Variants in KPNA3 observed in about 807,000 individuals in gnomAD.
KPNA3 encodes the protein importin subunit alpha-4.
A neutral mutation model predicts 73.8 loss-of-function variants in KPNA3; 13 were observed. The ratio of observed to expected loss-of-function variants is 0.18; its 90% CI spans 0.11 to 0.28. The LOEUF is 0.28. Among genes scored for constraint, KPNA3 ranks in the 10% least tolerant of loss-of-function variants. KPNA3 has a pLI of 1.00. For missense variants in KPNA3, 360 were observed against 618.1 expected (o/e 0.58, Z 4.43); for synonymous variants, 186 against 206.9 (o/e 0.90, Z 0.87).
intron 6 of KPNA3, among the ~76,000 whole-genome samples, chr13:49,726,239 C>T (rs1371639362): frequency 6.6e-6 from 1 of 152,182 alleles, no homozygotes; most frequent in Non-Finnish European, 1.5e-5. Flanking sequence ...TCCATTACAC[C>T]ATCTGCTTTA....
chr13:49,726,791 A>G (rs1413071287), intron 6 of KPNA3, among the ~76,000 whole-genome samples: 1 of 151,768 alleles, frequency 6.6e-6, no homozygotes, highest in Non-Finnish European at 1.5e-5. Flanking sequence ...AAAAATAAAA[A>G]AATCAGCCAG....
chr13:49,749,875 A>T (rs536440195), intron 1 of KPNA3, among the ~76,000 whole-genome samples: 38 of 152,270 alleles, frequency 2.5e-4, no homozygotes, highest in African/African-American at 8.7e-4. Flanking sequence ...TGACTACCAT[A>T]CCTAAGTACC....
chr13:49,747,857 A>G (rs887122579), intron 1 of KPNA3, among the ~76,000 whole-genome samples: 3 of 152,222 alleles, frequency 2.0e-5, no homozygotes, highest in Middle Eastern at 3.4e-3. Context: ...CCCTGCCCTA[A>G]CTGTACCCAG....
At position 49,706,332 on chromosome 13, in the gene KPNA3, TG is replaced by T. The variant is rs768831621; in HGVS notation, c.1072del (p.Gln358SerfsTer7). On this transcript the variant is annotated frameshift_variant, in exon 13 of 17. Coordinates refer to ENST00000261667, the MANE Select transcript of KPNA3 (RefSeq NM_002267.4). LOFTEE classifies it high-confidence loss of function. ...WFLSNITAGN[Q>X]QQVQAVIDAG... ...ATCTATTACAGCTTGAACTTGTTGC[TG>T]GTTGCCTGCTGTTATGTTGGAAAGG... 6.2e-7 allele frequency: 1 copy of T among 1,614,178 alleles called. No individual in the cohort carries two copies. The highest frequency in any genetic ancestry group is 8.5e-7 in the Non-Finnish European group (1 of 1,180,012).
chr13:49,792,247 G>A (rs1431859321), intron 1 of KPNA3, among the ~76,000 whole-genome samples, 191 bp downstream of exon 1: 1 of 151,540 alleles, frequency 6.6e-6, no homozygotes, highest in African/African-American at 2.4e-5. Flanking sequence ...GGCAGCTCCG[G>A]GGGGTGACTG....
intron 2 of KPNA3, among the ~76,000 whole-genome samples, chr13:49,740,094 T>C (rs1244759922): frequency 1.3e-5 from 2 of 151,610 alleles, no homozygotes; most frequent in African/African-American, 4.9e-5. Flanking sequence ...CTACCAAAAA[T>C]ACAAAAAATT....
At chr13:49,735,901 C>T (rs940730208) in intron 2 of KPNA3, among the ~76,000 whole-genome samples, 2 of 152,088 alleles carry the variant, frequency 1.3e-5, no homozygotes, top group African/African-American at 2.4e-5. Context: ...TGTTATTAAA[C>T]TCTATATAAA....
intron 15 of KPNA3, among the ~76,000 whole-genome samples, chr13:49,705,418 A>AACC (rs1391863161): frequency 6.6e-6 from 1 of 152,182 alleles, no homozygotes; most frequent in African/African-American, 2.4e-5. Flanking sequence ...TGACTTTCAC[A>AACC]ACCTGATTTT....
At position 49,732,469 on chromosome 13, in the gene KPNA3, A is replaced by T; in HGVS notation, c.288-3T>A. The T allele has an allele frequency of 6.4e-7, 1 of 1,563,392 alleles. No homozygotes were observed. Among genetic ancestry groups the T allele is most frequent in the Non-Finnish European group, 8.7e-7 (1 of 1,146,994 alleles). On this transcript the variant is annotated splice_region_variant and splice_polypyrimidine_tract_variant and intron_variant, in intron 5 of 16. Transcript: ENST00000261667. ...TTCTGTCACTGGATAACAGTTTTCT[A>T]GGAAAATAAATATGAGAAATTAATT... is the stretch of plus-strand genomic sequence containing the variant.
intron 12 of KPNA3, among the ~76,000 whole-genome samples, chr13:49,708,959 C>G (rs1316986483): frequency 6.6e-6 from 1 of 152,018 alleles, no homozygotes; most frequent in Non-Finnish European, 1.5e-5. Flanking sequence ...AAATACCAGC[C>G]CATTCAAATG....
intron 1 of KPNA3, among the ~76,000 whole-genome samples, chr13:49,768,260 C>CA (rs1309994295): frequency 7.6e-6 from 1 of 131,458 alleles, no homozygotes; most frequent in Non-Finnish European, 1.5e-5. Context: ...GCCTGGGCAA[C>CA]AGTGCGAGAC....
At chr13:49,777,157 C>T (rs1954904243) in intron 1 of KPNA3, among the ~76,000 whole-genome samples, 1 of 152,224 alleles carries the variant, frequency 6.6e-6, no homozygotes, top group South Asian at 2.1e-4. Flanking sequence ...AGCTACCTTC[C>T]TCCATACTCT....
At chr13:49,706,519 T>C (rs1594428235) in intron 12 of KPNA3, 147 bp from the exon 13 acceptor site, 1 of 556,096 alleles carries the variant, frequency 1.8e-6, no homozygotes, top group African/African-American at 1.9e-5. Context: ...TACAAAATCT[T>C]CCATTTTAAA....
chr13:49,761,233 C>G (rs1954756739), intron 1 of KPNA3, among the ~76,000 whole-genome samples: 1 of 151,930 alleles, frequency 6.6e-6, no homozygotes, highest in Non-Finnish European at 1.5e-5. Flanking sequence ...CGGTCTCCCT[C>G]TCCCTCTCCC....
In KPNA3 at chr13:49,754,465, AAGAG is replaced by A. The variant is rs568798984; in HGVS notation, c.70-7476_70-7473del. ...AAAGCACCTAATGCAAACATTAAGA[AAGAG>A]AGAAAGTCTCAAACCAATAATCAAA... On this transcript the variant is annotated intron_variant, in intron 1 of 16. Transcript: ENST00000261667. Among the ~76,000 whole-genome samples the A allele has an allele frequency of 1.4e-4, 22 of 152,204 alleles. No homozygotes were observed. The South Asian group carries it at 2.3e-3, about 16-fold the overall frequency.
chr13:49,792,406 CA>C, intron 1 of KPNA3, 31 bp downstream of exon 1: 1 of 1,497,790 alleles, frequency 6.7e-7, no homozygotes. Flanking sequence ...CCGGCGCGGC[CA>C]GGCGGGCCCA....
chr13:49,708,944 T>TA (rs564738831), intron 12 of KPNA3, among the ~76,000 whole-genome samples: 30 of 152,258 alleles, frequency 2.0e-4, no homozygotes, highest in Non-Finnish European at 3.5e-4. Context: ...TCGGTTTGTT[T>TA]AAAAAAATAC....
intron 11 of KPNA3, among the ~76,000 whole-genome samples, 200 bp downstream of exon 11, chr13:49,710,690 CA>C (rs1391888090): frequency 1.3e-5 from 2 of 152,062 alleles, no homozygotes; most frequent in Non-Finnish European, 2.9e-5. Flanking sequence ...GGGTCAAGAA[CA>C]ATTGGCTATA....
chr13:49,733,073 G>A, intron 2 of KPNA3, 27 bp from the exon 3 acceptor site: 1 of 1,388,810 alleles, frequency 7.2e-7, no homozygotes, highest in Non-Finnish European at 1.0e-6. Context: ...AAATGCTTAA[G>A]AAGTCATAAG....
Sources: gnomAD v4.1 joint callset for allele counts (sites outside exome capture counted in the v4.1 genomes callset) on GRCh38, gnomAD v4.1.1 for gene constraint, MANE v1.5 for transcripts, NCBI Gene and HGNC (gene_info 2026-07-23, HGNC 2026-07-21) for gene names.